Variants in TCF12 observed in about 807,000 individuals in gnomAD.
TCF12 encodes the protein DNA-binding protein HTF4.
In TCF12, 45 loss-of-function variants were observed where a neutral mutation model predicts 86.0. The observed-to-expected ratio is 0.52, with a 90% CI of 0.41 to 0.67. The LOEUF is 0.67. Among genes scored for constraint, TCF12 ranks in the 30% least tolerant of loss-of-function variants. TCF12 has a pLI of 0.00. For missense variants in TCF12, 881 were observed against 859.9 expected (o/e 1.02, Z -0.31); for synonymous variants, 330 against 299.6 (o/e 1.10, Z -1.05).
At chr15:57,076,653 G>T (rs897860137) in intron 4 of TCF12, among the ~76,000 whole-genome samples, 1 of 144,090 alleles carries the variant, frequency 6.9e-6, no homozygotes, top group Non-Finnish European at 1.5e-5. Flanking sequence ...AAAAAAAAAA[G>T]AAAAGAAAGG....
chr15:56,967,896 G>T (rs774284745), intron 3 of TCF12, among the ~76,000 whole-genome samples: 4 of 152,052 alleles, frequency 2.6e-5, no homozygotes, highest in African/African-American at 4.8e-5. Flanking sequence ...AGAGGAAATT[G>T]TCTTTTAGCT....
intron 3 of TCF12, among the ~76,000 whole-genome samples, chr15:57,014,641 G>A (rs762690309): frequency 6.6e-6 from 1 of 152,040 alleles, no homozygotes; most frequent in Non-Finnish European, 1.5e-5. Flanking sequence ...GTTGCCACAG[G>A]CCAGCCTGCT....
At chr15:57,102,142 A>G (rs2049802217) in intron 5 of TCF12, among the ~76,000 whole-genome samples, 1 of 149,780 alleles carries the variant, frequency 6.7e-6, no homozygotes, top group African/African-American at 2.5e-5. Flanking sequence ...TTACATGGTT[A>G]AATAGCTATA....
intron 3 of TCF12, among the ~76,000 whole-genome samples, chr15:57,011,367 T>C (rs1319509506): frequency 2.6e-5 from 4 of 152,002 alleles, no homozygotes; most frequent in African/African-American, 9.7e-5. Context: ...GCTCTCCCCA[T>C]GTGAGACACC....
At chr15:57,252,385 T>C (rs1406900451) in intron 14 of TCF12, 36 bp from the exon 15 acceptor site, 42 of 1,568,524 alleles carry the variant, frequency 2.7e-5, no homozygotes, top group Non-Finnish European at 3.5e-5. Context: ...AATCTTAACC[T>C]GTGCTTTGCC....
chr15:57,110,492 G>A (rs11852340), intron 5 of TCF12, among the ~76,000 whole-genome samples: 56,181 of 152,002 alleles, frequency 0.37, 12,353 homozygotes, highest in Non-Finnish European at 0.49. Flanking sequence ...TTGAGAAACT[G>A]GCGTCATCGT....
At chr15:56,921,403 C>T (rs1426056447) in intron 3 of TCF12, among the ~76,000 whole-genome samples, 1 of 151,722 alleles carries the variant, frequency 6.6e-6, no homozygotes, top group African/African-American at 2.4e-5. Flanking sequence ...TTCCTATATC[C>T]AGATTACATT....
chr15:57,007,772 TTCTTTCTTTCTTTCTTTCTC>T (rs779916123), intron 3 of TCF12, among the ~76,000 whole-genome samples: 9,328 of 68,914 alleles, frequency 0.14, 533 homozygotes, highest in Middle Eastern at 0.16. Flanking sequence ...CTTTCTTTCT[TTCTTTCTTTCTTTCTTTCTC>T]TCTTTCTTTC....
Position 57,282,566 on chromosome 15 carries a change from C to T in TCF12, c.2100C>T (p.Thr700=). The T allele has an allele frequency of 6.2e-7, 1 of 1,614,194 alleles. No homozygotes were observed. Among genetic ancestry groups the T allele is most frequent in the Non-Finnish European group, 8.5e-7 (1 of 1,180,026 alleles). The part of the protein sequence containing the change: ...PGTHPGLSET[T]NPMGHM ...CCCATCCTGGGCTTAGTGAAACTAC[C>T]AACCCTATGGGTCATATGTAAACAT... The change falls in exon 20 of 21, where the codon ACC becomes ACT. Residue 700 remains threonine, a synonymous_variant. Transcript: ENST00000333725.
intron 4 of TCF12, among the ~76,000 whole-genome samples, chr15:57,064,988 C>G (rs2585111): frequency 0.012 from 1,875 of 152,178 alleles, 42 homozygotes; most frequent in African/African-American, 0.043. Context: ...AATGCATAGT[C>G]TCAGTATGGT....
intron 4 of TCF12, among the ~76,000 whole-genome samples, chr15:57,075,431 A>C (rs1315935947): frequency 6.6e-6 from 1 of 152,116 alleles, no homozygotes; most frequent in Non-Finnish European, 1.5e-5. Context: ...CTGAGATTCC[A>C]CTATTTCCTT....
chr15:57,165,686 A>G (rs1273709935), intron 5 of TCF12, among the ~76,000 whole-genome samples: 1 of 151,780 alleles, frequency 6.6e-6, no homozygotes, highest in Non-Finnish European at 1.5e-5. Flanking sequence ...ACAGGCGCAT[A>G]CCACCATGCC....
At chr15:57,231,767 T>G (rs758845416) in intron 9 of TCF12, among the ~76,000 whole-genome samples, 4 of 152,192 alleles carry the variant, frequency 2.6e-5, no homozygotes, top group African/African-American at 4.8e-5. Context: ...CAATAAATTA[T>G]TACATAAATG....
chr15:56,979,253 C>T (rs1860919000), intron 3 of TCF12, among the ~76,000 whole-genome samples: 1 of 152,068 alleles, frequency 6.6e-6, no homozygotes, highest in South Asian at 2.1e-4. Flanking sequence ...GTAATATGTA[C>T]CCATAATGTT....
intron 3 of TCF12, among the ~76,000 whole-genome samples, chr15:56,974,224 T>C (rs994495338): frequency 2.0e-5 from 3 of 152,216 alleles, no homozygotes; most frequent in African/African-American, 7.2e-5. Context: ...CACTGAAATA[T>C]ATAGAGTAAT....
intron 8 of TCF12, 121 bp from the exon 9 acceptor site, chr15:57,231,031 G>T: frequency 1.6e-6 from 1 of 638,678 alleles, no homozygotes; most frequent in Middle Eastern, 2.6e-4. Context: ...TTTCATTTGT[G>T]GTAGCCCTTT....
Position 57,091,805 on chromosome 15 carries a change from C to G in TCF12, c.239C>G (p.Pro80Arg), listed in dbSNP as rs753743656. The G allele has an allele frequency of 5.6e-6, 9 of 1,613,502 alleles. No homozygotes were observed. Among genetic ancestry groups the G allele is most frequent in the Admixed American group, 1.7e-5 (1 of 59,970 alleles). Reference protein sequence around the residue: ...YDSSRGFTDSPHYSDHLNDSR... With the variant: ...YDSSRGFTDSRHYSDHLNDSR... The stretch of plus-strand genomic sequence containing the variant: ...TCCCCCTAGGGTTTTACAGACAGCC[C>G]TCATTACAGTGATCACTTGAATGAC... The change falls in exon 5 of 21, where the codon CCT becomes CGT. Residue 80 changes from proline to arginine, a missense_variant. Physicochemically the swap from Pro to Arg is moderately radical, Grantham distance 103. Transcript: ENST00000333725.
At chr15:56,932,674 T>G (rs1388141993) in intron 3 of TCF12, among the ~76,000 whole-genome samples, 1 of 152,118 alleles carries the variant, frequency 6.6e-6, no homozygotes, top group East Asian at 1.9e-4. Flanking sequence ...GTTCAAGCGA[T>G]TTTTGTGCCT....
chr15:57,170,165 T>G (rs1196507388), intron 6 of TCF12, among the ~76,000 whole-genome samples: 3 of 152,188 alleles, frequency 2.0e-5, no homozygotes, highest in Admixed American at 1.3e-4. Context: ...GCTTGAGTGT[T>G]TTGACTATAT....
Sources: allele counts gnomAD v4.1 joint callset (sites outside exome capture counted in the v4.1 genomes callset), GRCh38; gene constraint gnomAD v4.1.1; transcripts MANE v1.5; gene names NCBI Gene and HGNC (gene_info 2026-07-23, HGNC 2026-07-21).